The following B3GALT1 variants were observed in gnomAD, a reference collection of about 807,000 sequenced individuals.
B3GALT1 encodes beta-1,3-galactosyltransferase 1.
B3GALT1 carries 10 observed loss-of-function variants against 23.2 expected under a neutral mutation model. The observed-to-expected ratio is 0.43, with a 90% confidence interval of 0.27 to 0.73. B3GALT1 has a LOEUF of 0.73. Ranked by LOEUF, B3GALT1 falls within the 30% of genes least tolerant of loss-of-function variation. The pLI, the probability that B3GALT1 is intolerant of heterozygous loss-of-function variation, is 0.21. For synonymous variants in B3GALT1, 156 were observed against 141.5 expected (o/e 1.10, Z -0.73); for missense variants, 299 against 405.4 (o/e 0.74, Z 2.25).
chr2:167,866,432 T>A (rs1004616133), intron 4 of B3GALT1, among the ~76,000 whole-genome samples: 4 of 152,234 alleles, frequency 2.6e-5, no homozygotes, highest in Non-Finnish European at 4.4e-5. Context: ...GGATTCTGTT[T>A]CTGTTTGTCC....
At chr2:167,473,782 G>T (rs1232522513) in intron 1 of B3GALT1, among the ~76,000 whole-genome samples, 9 of 152,116 alleles carry the variant, frequency 5.9e-5, no homozygotes, top group Admixed American at 5.9e-4. Context: ...TCTATCAGAA[G>T]AATAAACAGG....
intron 2 of B3GALT1, among the ~76,000 whole-genome samples, chr2:167,572,077 A>T (rs767702323): frequency 6.6e-6 from 1 of 151,848 alleles, no homozygotes; most frequent in African/African-American, 2.4e-5. Context: ...CCAACATCAT[A>T]TTATGTTATT....
intron 1 of B3GALT1, among the ~76,000 whole-genome samples, chr2:167,448,027 G>C (rs1699028105): frequency 6.6e-6 from 1 of 152,112 alleles, no homozygotes; most frequent in East Asian, 1.9e-4. Flanking sequence ...TTTTTGATTG[G>C]TGGGAATTTG....
intron 1 of B3GALT1, among the ~76,000 whole-genome samples, chr2:167,412,924 T>C (rs1388979574): frequency 6.6e-6 from 1 of 152,120 alleles, no homozygotes; most frequent in Non-Finnish European, 1.5e-5. Flanking sequence ...ACAAACTTAA[T>C]GGATCTCACC....
At chr2:167,539,859 A>G (rs1217958416) in intron 2 of B3GALT1, among the ~76,000 whole-genome samples, 1 of 152,114 alleles carries the variant, frequency 6.6e-6, no homozygotes, top group Non-Finnish European at 1.5e-5. Context: ...GCTTTCTTGT[A>G]AGCTTTTAAT....
intron 1 of B3GALT1, among the ~76,000 whole-genome samples, chr2:167,485,769 A>C (rs1009759493): frequency 1.3e-5 from 2 of 152,352 alleles, no homozygotes; most frequent in South Asian, 2.1e-4. Flanking sequence ...TTTACTCCCA[A>C]GTCACTAGTT....
intron 1 of B3GALT1, among the ~76,000 whole-genome samples, chr2:167,431,326 T>C (rs932100370): frequency 6.6e-6 from 1 of 152,190 alleles, no homozygotes; most frequent in Non-Finnish European, 1.5e-5. Flanking sequence ...AGAGAACCAT[T>C]ACGAATCACT....
chr2:167,376,977 G>A (rs967861982), intron 1 of B3GALT1, among the ~76,000 whole-genome samples: 21 of 152,042 alleles, frequency 1.4e-4, no homozygotes, highest in Admixed American at 3.3e-4. Context: ...TAGGCACTTA[G>A]CGCTATAAAC....
intron 2 of B3GALT1, among the ~76,000 whole-genome samples, chr2:167,504,461 G>A (rs1699891330): frequency 6.6e-6 from 1 of 152,176 alleles, no homozygotes; most frequent in African/African-American, 2.4e-5. Context: ...TTGTGATTGG[G>A]TTGCATGGGA....
intron 2 of B3GALT1, among the ~76,000 whole-genome samples, chr2:167,610,854 A>G (rs1032859594): frequency 1.4e-5 from 2 of 147,410 alleles, no homozygotes; most frequent in Admixed American, 6.9e-5. Context: ...GACCAACCTT[A>G]GAGGAGAAGT....
At chr2:167,460,170 T>G (rs1699235765) in intron 1 of B3GALT1, among the ~76,000 whole-genome samples, 1 of 152,218 alleles carries the variant, frequency 6.6e-6, no homozygotes, top group Admixed American at 6.5e-5. Flanking sequence ...ATTTGCAAAA[T>G]TATCCATTAT....
chr2:167,572,577 A>G (rs979526819), intron 2 of B3GALT1, among the ~76,000 whole-genome samples: 4 of 151,750 alleles, frequency 2.6e-5, no homozygotes, highest in Admixed American at 6.6e-5. Flanking sequence ...CAAAGATTGG[A>G]AGTCATGAAT....
At chr2:167,690,863 A>G (rs1181579506) in intron 3 of B3GALT1, among the ~76,000 whole-genome samples, 2 of 152,114 alleles carry the variant, frequency 1.3e-5, no homozygotes, top group Non-Finnish European at 2.9e-5. Flanking sequence ...TTTGGAAATT[A>G]TTTGCATGCA....
At chr2:167,469,192 C>G (rs1699390053) in intron 1 of B3GALT1, among the ~76,000 whole-genome samples, 1 of 152,164 alleles carries the variant, frequency 6.6e-6, no homozygotes, top group Admixed American at 6.5e-5. Flanking sequence ...AAATTATGGA[C>G]TCTGGAGCCA....
rs568620827 is a variant in B3GALT1 at position 167,362,561 on chromosome 2, C to T, written c.-511+69227C>T. ...TTTTCATTTTTTATTTTTTCAGGTTCGTTCATTCCCACCCCCATTCCTTCA... is the reference window on the plus strand; with the variant it reads ...TTTTCATTTTTTATTTTTTCAGGTTTGTTCATTCCCACCCCCATTCCTTCA... On this transcript the variant is annotated intron_variant, in intron 1 of 4. Transcript: ENST00000392690. Among the ~76,000 whole-genome samples, 5 of 152,018 alleles carry T rather than the reference C, an allele frequency of 3.3e-5. No homozygotes were observed. The South Asian group carries it at 1.0e-3, about 32-fold the overall frequency.
At chr2:167,566,181 A>T (rs1684161720) in intron 2 of B3GALT1, among the ~76,000 whole-genome samples, 1 of 152,236 alleles carries the variant, frequency 6.6e-6, no homozygotes, top group Non-Finnish European at 1.5e-5. Flanking sequence ...ATAAAAAATG[A>T]TGAGTTCATG....
intron 3 of B3GALT1, among the ~76,000 whole-genome samples, chr2:167,784,348 A>G (rs964644370): frequency 6.6e-6 from 1 of 151,968 alleles, no homozygotes; most frequent in African/African-American, 2.4e-5. Flanking sequence ...CAGCCATGTC[A>G]TTTTTTTCAT....
chr2:167,481,190 TA>T (rs1348355492), intron 1 of B3GALT1, among the ~76,000 whole-genome samples: 1 of 150,946 alleles, frequency 6.6e-6, no homozygotes, highest in African/African-American at 2.4e-5. Flanking sequence ...CCCTGAGGCA[TA>T]AAGTCCTTTT....
Position 167,578,245 on chromosome 2 carries a change from A to G in B3GALT1, c.-409-68664A>G, listed in dbSNP as rs75696497. On this transcript the variant is annotated intron_variant, in intron 2 of 4. Coordinates refer to ENST00000392690, the MANE Select transcript of B3GALT1 (RefSeq NM_020981.4). ...CTCTCTAGCAAGAGGGACATACCCA[A>G]ATCATTTCAACAGAATAAGAAGAAA... Among the ~76,000 whole-genome samples, 656 of 152,106 alleles carry G rather than the reference A, an allele frequency of 4.3e-3. 5 individuals are homozygous for G. Among genetic ancestry groups the G allele is most frequent in the Middle Eastern group, 0.017 (5 of 294 alleles).
Sources: gnomAD v4.1 joint callset for allele counts (sites outside exome capture counted in the v4.1 genomes callset) on GRCh38, gnomAD v4.1.1 for gene constraint, MANE v1.5 for transcripts, NCBI Gene and HGNC (gene_info 2026-07-23, HGNC 2026-07-21) for gene names.